Variants in TTC39B observed in about 807,000 individuals in gnomAD.
TTC39B encodes tetratricopeptide repeat domain 39B.
A neutral mutation model predicts 96.6 loss-of-function variants in TTC39B; 92 were observed. The ratio of observed to expected loss-of-function variants is 0.95; its 90% CI spans 0.80 to 1.13. TTC39B has a LOEUF of 1.13. Ranked by LOEUF, TTC39B falls within the 50% of genes most tolerant of loss-of-function variation. The pLI, the probability that TTC39B is intolerant of heterozygous loss-of-function variation, is 0.00. For missense variants in TTC39B, 955 were observed against 809.3 expected, an observed-to-expected ratio of 1.18 and a Z score of -2.18; for synonymous variants, 367 against 299.4, an observed-to-expected ratio of 1.23 and a Z score of -2.33.
rs1348223504 is a variant in TTC39B, at chr9:15,200,036, G to C, written c.760-111C>G. The C allele has an allele frequency of 2.8e-4, 157 of 558,310 alleles. 1 individual carries two copies. Among genetic ancestry groups the C allele is most frequent in the Non-Finnish European group, 9.1e-5 (30 of 328,236 alleles). 34.6% of individuals were successfully genotyped at this position (558,310 alleles called of 1,614,324 possible). A position where few individuals can be genotyped will look rare whatever the true frequency, so the allele number is the denominator to read the frequency against. The stretch of plus-strand genomic sequence containing the variant: ...AACAAAAACAAACAAACAAAAAAAA[G>C]TATTTTGAGGACATAATTTTGAAAT... On this transcript the variant is annotated intron_variant, in intron 7 of 19. Transcript: ENST00000512701.
chr9:15,272,351 C>T (rs1431334172), intron 1 of TTC39B, among the ~76,000 whole-genome samples: 1 of 152,174 alleles, frequency 6.6e-6, no homozygotes, highest in Non-Finnish European at 1.5e-5. Flanking sequence ...CCCTTAGCTC[C>T]CCAGTACTGG....
At chr9:15,289,661 G>C (rs542744187) in intron 1 of TTC39B, among the ~76,000 whole-genome samples, 1 of 152,162 alleles carries the variant, frequency 6.6e-6, no homozygotes, top group African/African-American at 2.4e-5. Context: ...CAGGTATGCC[G>C]GGAAAGAGGC....
Position 15,224,167 on chromosome 9 carries a change from C to G in TTC39B, c.371+1750G>C, listed in dbSNP as rs180956923. On this transcript the variant is annotated intron_variant, in intron 3 of 19. Coordinates refer to ENST00000512701, the Ensembl canonical transcript of TTC39B. Reference sequence around the variant, plus strand: ...GATGCTCACTCTCCCTACTTCCCCACCTCCCACTGACCTTTAGCCATGCTG... The same window carrying G: ...GATGCTCACTCTCCCTACTTCCCCAGCTCCCACTGACCTTTAGCCATGCTG... Among the ~76,000 whole-genome samples the G allele has an allele frequency of 1.6e-3, 247 of 152,326 alleles. 2 individuals carry two copies. Among genetic ancestry groups the G allele is most frequent in the Admixed American group, 2.8e-3 (43 of 15,300 alleles).
chr9:15,292,851 G>C (rs767418918), intron 1 of TTC39B, among the ~76,000 whole-genome samples: 2 of 152,188 alleles, frequency 1.3e-5, no homozygotes, highest in Non-Finnish European at 2.9e-5. Context: ...GTGCCAAAAA[G>C]TTTTAAAGAA....
chr9:15,246,024 C>A (rs745786684), intron 2 of TTC39B, among the ~76,000 whole-genome samples: 2 of 152,116 alleles, frequency 1.3e-5, no homozygotes, highest in Non-Finnish European at 1.5e-5. Flanking sequence ...GAGGCCCAGG[C>A]GGGCAGATCA....
At chr9:15,282,318 G>T (rs1233604924) in intron 1 of TTC39B, among the ~76,000 whole-genome samples, 1 of 152,106 alleles carries the variant, frequency 6.6e-6, no homozygotes, top group Non-Finnish European at 1.5e-5. Context: ...TGACACTCTG[G>T]TAAAACAAAT....
chr9:15,300,115 T>C (rs571856603), intron 1 of TTC39B, among the ~76,000 whole-genome samples: 2 of 152,208 alleles, frequency 1.3e-5, no homozygotes, highest in Non-Finnish European at 2.9e-5. Flanking sequence ...CACCCTTTCT[T>C]AATTCTGCCC....
In TTC39B at chr9:15,214,122, G is replaced by A. The variant is rs770951166; in HGVS notation, c.482+17C>T. ...CATCTGAAAGATATTTTATCTAAAA[G>A]AGACAAAGTAAATTACCAGGGGCGA... is the stretch of plus-strand genomic sequence containing the variant. On this transcript the variant is annotated intron_variant, in intron 4 of 19. Coordinates refer to ENST00000512701, the Ensembl canonical transcript of TTC39B. 1 of 1,563,550 alleles carries A rather than the reference G, an allele frequency of 6.4e-7. No individual in the cohort carries two copies. The highest frequency in any genetic ancestry group is 8.8e-7 in the Non-Finnish European group (1 of 1,136,138).
chr9:15,211,303 T>C (rs1820185909), exon 5 of TTC39B: 4 of 1,585,000 alleles, frequency 2.5e-6, no homozygotes, highest in Non-Finnish European at 3.4e-6. Flanking sequence ...ATGGCAGAAA[T>C]GCCGTTCTGG....
intron 8 of TTC39B, among the ~76,000 whole-genome samples, chr9:15,199,366 T>A (rs922628113): frequency 1.3e-5 from 2 of 152,200 alleles, no homozygotes; most frequent in Non-Finnish European, 2.9e-5. Flanking sequence ...GTATTTAAAC[T>A]TAAATTCTGT....
At chr9:15,294,357 AC>A (rs1824295396) in intron 1 of TTC39B, among the ~76,000 whole-genome samples, 1 of 152,054 alleles carries the variant, frequency 6.6e-6, no homozygotes, top group African/African-American at 2.4e-5. Context: ...ACACAAACAT[AC>A]CTTTTACAGG....
intron 2 of TTC39B, among the ~76,000 whole-genome samples, chr9:15,248,664 G>A (rs1822393608): frequency 6.6e-6 from 1 of 152,164 alleles, no homozygotes; most frequent in African/African-American, 2.4e-5. Context: ...ATCTTTGCAA[G>A]TTTAAGTAAG....
intron 2 of TTC39B, among the ~76,000 whole-genome samples, chr9:15,245,758 C>G (rs1822244332): frequency 6.6e-6 from 1 of 152,150 alleles, no homozygotes; most frequent in Non-Finnish European, 1.5e-5. Context: ...AAAATGATCA[C>G]CGAAGAAATC....
At chr9:15,196,254 G>T (rs1037437161) in intron 8 of TTC39B, among the ~76,000 whole-genome samples, 2 of 152,222 alleles carry the variant, frequency 1.3e-5, no homozygotes, top group Non-Finnish European at 2.9e-5. Context: ...CATGGATCAA[G>T]AAGTAATTTT....
intron 1 of TTC39B, among the ~76,000 whole-genome samples, chr9:15,284,332 A>G (rs1000395697): frequency 1.3e-5 from 2 of 152,244 alleles, no homozygotes; most frequent in East Asian, 1.9e-4. Flanking sequence ...TGCAGGACCT[A>G]TTAAAAAATT....
chr9:15,277,859 A>G lies in TTC39B; in HGVS notation c.241-9911T>C, dbSNP rs557011684. Among the ~76,000 whole-genome samples the G allele has an allele frequency of 1.1e-4, 17 of 152,350 alleles. No individual in the cohort carries two copies. The South Asian group carries it at 2.9e-3, about 26-fold the overall frequency. ...GGTTTTCAAAGTTCAAGCCACGTCA[A>G]TGGGACTAACTTGATTCTCAATAGC... On this transcript the variant is annotated intron_variant, in intron 1 of 19. Coordinates refer to ENST00000512701, the Ensembl canonical transcript of TTC39B.
chr9:15,210,144 A>C, exon 6 of TTC39B: 1 of 1,604,996 alleles, frequency 6.2e-7, no homozygotes, highest in Non-Finnish European at 8.5e-7. Flanking sequence ...AGATTCTACA[A>C]CTGTGTATTT....
chr9:15,251,209 G>C (rs1468456912), intron 2 of TTC39B, among the ~76,000 whole-genome samples: 1 of 151,876 alleles, frequency 6.6e-6, no homozygotes, highest in Non-Finnish European at 1.5e-5. Flanking sequence ...AAAACAAAAA[G>C]TAATACCAGG....
chr9:15,251,700 C>CATATACATAT (rs1220028763), intron 2 of TTC39B, among the ~76,000 whole-genome samples: 1 of 98,350 alleles, frequency 1.0e-5, no homozygotes, highest in African/African-American at 3.1e-5. Flanking sequence ...CATACATATA[C>CATATACATAT]ATATATATAT....
Sources: gnomAD v4.1 joint callset for allele counts (sites outside exome capture counted in the v4.1 genomes callset) on GRCh38, gnomAD v4.1.1 for gene constraint, MANE v1.5 for transcripts, NCBI Gene and HGNC (gene_info 2026-07-23, HGNC 2026-07-21) for gene names.